Variants in FGF12 observed in about 807,000 individuals in gnomAD.
The protein encoded by FGF12 is fibroblast growth factor 12B.
Under a neutral mutation model 23.6 loss-of-function variants are expected in FGF12, and 14 were observed. The observed-to-expected ratio is 0.59, with a 90% CI of 0.39 to 0.93. The LOEUF (loss-of-function observed/expected upper bound fraction) is 0.93. FGF12 is among the 40% of genes least tolerant of loss of function. The pLI is 0.00. For synonymous variants in FGF12, 62 were observed against 77.3 expected (o/e 0.80, Z 1.04); for missense variants, 175 against 217.8 (o/e 0.80, Z 1.24).
At position 192,196,958 on chromosome 3, in the gene FGF12, A is replaced by G. The variant is rs548439605; in HGVS notation, c.229-26302T>C. Among the ~76,000 whole-genome samples, 3 of 152,314 alleles carry G rather than the reference A, an allele frequency of 2.0e-5. No homozygotes were observed. In the South Asian group the frequency reaches 6.2e-4, roughly 32 times the overall value. ...CAGTATCTACTTAACAGACTCAGGA[A>G]AGAGATCGGTTATGAGATGCTTGGG... is the stretch of plus-strand genomic sequence containing the variant. On this transcript the variant is annotated intron_variant, in intron 4 of 5. Coordinates refer to ENST00000445105, the MANE Select transcript of FGF12 (RefSeq NM_004113.6).
At chr3:192,323,845 C>T (rs905703226) in intron 4 of FGF12, among the ~76,000 whole-genome samples, 2 of 152,168 alleles carry the variant, frequency 1.3e-5, no homozygotes, top group South Asian at 4.2e-4. Context: ...AATCTTAGCG[C>T]TTTGGGAGGC....
chr3:192,310,215 T>C (rs80203882), intron 4 of FGF12, among the ~76,000 whole-genome samples: 4,259 of 152,310 alleles, frequency 0.028, 159 homozygotes, highest in South Asian at 0.17. Context: ...GATGTGCTTA[T>C]TATGTCTAAC....
At chr3:192,622,631 G>T (rs150415720) in intron 2 of FGF12, among the ~76,000 whole-genome samples, 45 of 152,178 alleles carry the variant, frequency 3.0e-4, no homozygotes, top group African/African-American at 1.0e-3. Flanking sequence ...TTACATAATT[G>T]TAAACTAGAC....
intron 2 of FGF12, among the ~76,000 whole-genome samples, chr3:192,652,527 G>A (rs1289271717): frequency 1.3e-5 from 2 of 152,216 alleles, no homozygotes; most frequent in Non-Finnish European, 2.9e-5. Flanking sequence ...TTGCCACAGA[G>A]GATGTTTACT....
At chr3:192,523,595 T>A (rs1276958292) in intron 2 of FGF12, among the ~76,000 whole-genome samples, 1 of 152,232 alleles carries the variant, frequency 6.6e-6, no homozygotes, top group East Asian at 1.9e-4. Flanking sequence ...CTCTTTTAGC[T>A]TTCGTATTAT....
intron 2 of FGF12, among the ~76,000 whole-genome samples, chr3:192,670,813 G>A (rs150449292): frequency 2.0e-3 from 297 of 152,282 alleles, no homozygotes; most frequent in Non-Finnish European, 3.2e-3. Context: ...GTATAATGGG[G>A]ACCCGAAGGA....
At chr3:192,503,375 T>C (rs959526894) in intron 2 of FGF12, among the ~76,000 whole-genome samples, 39 of 152,278 alleles carry the variant, frequency 2.6e-4, no homozygotes, top group African/African-American at 9.1e-4. Context: ...TGGATCACCA[T>C]AGACTATTCA....
At chr3:192,512,859 T>TATATATATATATATATAAAA (rs376386122) in intron 2 of FGF12, among the ~76,000 whole-genome samples, 2 of 57,410 alleles carry the variant, frequency 3.5e-5, no homozygotes, top group Admixed American at 2.0e-4. Context: ...TATATATATA[T>TATATATATATATATATAAAA]AACAGGCTAT....
At chr3:192,591,791 G>A (rs767472912) in intron 2 of FGF12, among the ~76,000 whole-genome samples, 10 of 151,946 alleles carry the variant, frequency 6.6e-5, no homozygotes, top group Non-Finnish European at 1.5e-4. Flanking sequence ...TTCTGCACAA[G>A]CCCTTCACGT....
chr3:192,387,151 G>T (rs1277483055), intron 2 of FGF12, among the ~76,000 whole-genome samples: 1 of 152,154 alleles, frequency 6.6e-6, no homozygotes, highest in African/African-American at 2.4e-5. Flanking sequence ...ATCAGATCCC[G>T]TTACTATCAG....
rs535278353 is a variant in FGF12, at chr3:192,405,102, C to T, written c.14-44564G>A. On this transcript the variant is annotated intron_variant, in intron 2 of 5. Coordinates refer to ENST00000445105, the MANE Select transcript of FGF12 (RefSeq NM_004113.6). ...TGTGTAACCTTAGATAAATTACAAACTTGCAATGGCTCCAGGATTTCTCAT... is the reference window on the plus strand; with the variant it reads ...TGTGTAACCTTAGATAAATTACAAATTTGCAATGGCTCCAGGATTTCTCAT... 7.3e-5 allele frequency among the ~76,000 whole-genome samples: 11 copies of T among 151,148 alleles called. No homozygotes were observed. The South Asian group carries it at 2.3e-3, about 31-fold the overall frequency.
At chr3:192,158,664 C>CTTT (rs879552624) in intron 5 of FGF12, among the ~76,000 whole-genome samples, 8,098 of 62,468 alleles carry the variant, frequency 0.13, 821 homozygotes, top group Middle Eastern at 0.24. Context: ...TCCCTTCCTT[C>CTTT]CCTCCCTCCC....
At chr3:192,450,205 G>A (rs1226922896) in intron 2 of FGF12, among the ~76,000 whole-genome samples, 1 of 152,088 alleles carries the variant, frequency 6.6e-6, no homozygotes, top group Non-Finnish European at 1.5e-5. Context: ...TGGAGAAGAA[G>A]GGAAGAAACA....
intron 2 of FGF12, among the ~76,000 whole-genome samples, chr3:192,585,241 T>G (rs1713326222): frequency 6.6e-6 from 1 of 152,198 alleles, no homozygotes; most frequent in African/African-American, 2.4e-5. Context: ...CCTGCCTGCT[T>G]GCACTCACCA....
chr3:192,377,525 C>CA lies in FGF12; in HGVS notation c.14-16988dup, dbSNP rs149431237. 4.9e-3 allele frequency among the ~76,000 whole-genome samples: 753 copies of CA among 152,318 alleles called. 7 individuals are homozygous for CA. Among genetic ancestry groups the CA allele is most frequent in the African/African-American group, 0.017 (710 of 41,566 alleles). On this transcript the variant is annotated intron_variant, in intron 2 of 5. Transcript: ENST00000445105. Reference sequence around the variant, plus strand: ...TCGTAACAGCTCAGATTACAATAGTCAAAGTCTTATTTTAGCGTCAATGTT... The same window carrying CA: ...TCGTAACAGCTCAGATTACAATAGTCAAAAGTCTTATTTTAGCGTCAATGTT...
At chr3:192,623,917 T>C (rs1715064112) in intron 2 of FGF12, among the ~76,000 whole-genome samples, 1 of 152,134 alleles carries the variant, frequency 6.6e-6, no homozygotes, top group Non-Finnish European at 1.5e-5. Flanking sequence ...AAAAAGTAAT[T>C]AGTTTATGGA....
chr3:192,475,354 C>A (rs960606535), intron 2 of FGF12, among the ~76,000 whole-genome samples: 1 of 152,150 alleles, frequency 6.6e-6, no homozygotes, highest in Non-Finnish European at 1.5e-5. Context: ...GACCTTTCCC[C>A]CTTAATCTAT....
intron 2 of FGF12, among the ~76,000 whole-genome samples, chr3:192,572,039 T>C (rs983664132): frequency 6.6e-6 from 1 of 151,908 alleles, no homozygotes; most frequent in African/African-American, 2.4e-5. Flanking sequence ...CAATGGACAA[T>C]TTAGTGAACA....
intron 4 of FGF12, among the ~76,000 whole-genome samples, chr3:192,273,694 G>A (rs943615510): frequency 1.3e-5 from 2 of 152,248 alleles, no homozygotes; most frequent in Non-Finnish European, 2.9e-5. Flanking sequence ...CTGACACTGG[G>A]CGTGTCAAGG....
Sources: allele counts gnomAD v4.1 joint callset (sites outside exome capture counted in the v4.1 genomes callset), GRCh38; gene constraint gnomAD v4.1.1; transcripts MANE v1.5; gene names NCBI Gene and HGNC (gene_info 2026-07-23, HGNC 2026-07-21).